The following HIPK2 variants were observed in gnomAD, a reference collection of about 807,000 sequenced individuals.
HIPK2 encodes the protein homeodomain interacting protein kinase 2, also known as homeodomain-interacting protein kinase 2.
A neutral mutation model predicts 113.7 loss-of-function variants in HIPK2; 27 were observed. That is an observed-to-expected ratio of 0.24 (90% confidence interval 0.17 to 0.33). HIPK2 has a LOEUF of 0.33. Among genes scored for constraint, HIPK2 ranks in the 10% least tolerant of loss-of-function variants. The pLI is 1.00. For synonymous variants in HIPK2, 631 were observed against 642.2 expected (o/e 0.98, Z 0.26); for missense variants, 1,257 against 1,588.0 (o/e 0.79, Z 3.54).
At chr7:139,621,915 C>A in intron 6 of HIPK2, among the ~76,000 whole-genome samples, 1 of 134,466 alleles carries the variant, frequency 7.4e-6, no homozygotes, top group African/African-American at 2.9e-5. Flanking sequence ...AGGGTGAGAC[C>A]CTGTCTCAGG....
chr7:139,646,652 G>A (rs11980926), intron 2 of HIPK2, among the ~76,000 whole-genome samples: 2,161 of 152,212 alleles, frequency 0.014, 35 homozygotes, highest in African/African-American at 0.048. Flanking sequence ...CCTTTGGAAC[G>A]GAGCAACATT....
In HIPK2 at chr7:139,571,349, G is replaced by C. The variant is rs1368408583; in HGVS notation, c.*1578C>G. ...GACTGGGGGATGCCGCCTGGGGCGG[G>C]AGACGGCTGCCTGGCGAGGCCAACA... is the stretch of plus-strand genomic sequence containing the variant. On this transcript the variant is annotated 3_prime_UTR_variant, in exon 15 of 15. Transcript: ENST00000406875. 6.6e-6 allele frequency: 1 copy of C among 152,344 alleles called. No individual in the cohort carries two copies. The highest frequency in any genetic ancestry group is 2.4e-5 in the African/African-American group (1 of 41,472). 9.4% of individuals were successfully genotyped at this position (152,344 alleles called of 1,614,324 possible).
intron 1 of HIPK2, among the ~76,000 whole-genome samples, chr7:139,738,530 T>C (rs771054114): frequency 6.6e-6 from 1 of 152,216 alleles, no homozygotes; most frequent in Admixed American, 6.5e-5. Context: ...TAAAGCACCA[T>C]GATATTTGTA....
At chr7:139,677,679 A>G (rs2116687231) in intron 2 of HIPK2, among the ~76,000 whole-genome samples, 1 of 152,336 alleles carries the variant, frequency 6.6e-6, no homozygotes, top group South Asian at 2.1e-4. Context: ...GCACCCATCA[A>G]CCAGTTATCT....
intron 2 of HIPK2, among the ~76,000 whole-genome samples, chr7:139,684,338 T>C (rs1794153126): frequency 6.6e-6 from 1 of 152,200 alleles, no homozygotes; most frequent in Admixed American, 6.5e-5. Context: ...GACTTCTAAG[T>C]GTTCAAGCGA....
At chr7:139,616,543 T>G (rs1448154560) in intron 7 of HIPK2, among the ~76,000 whole-genome samples, 1 of 152,236 alleles carries the variant, frequency 6.6e-6, no homozygotes, top group African/African-American at 2.4e-5. Context: ...GGCCTTTCCC[T>G]TCATACAAGC....
chr7:139,749,118 G>A (rs562063203), intron 1 of HIPK2, among the ~76,000 whole-genome samples: 5 of 152,316 alleles, frequency 3.3e-5, no homozygotes, highest in African/African-American at 1.2e-4. Flanking sequence ...TCATCAAACC[G>A]CCTTCTTTTA....
In HIPK2 at chr7:139,675,901, C is replaced by T. The variant is rs1802480520; in HGVS notation, c.1103+40031G>A. ...CCTGAACAGATGGCTGTAATATACT[C>T]CTAATTGGTTTTCTCATACTTGGTC... On this transcript the variant is annotated intron_variant, in intron 2 of 14. Coordinates refer to ENST00000406875, the MANE Select transcript of HIPK2 (RefSeq NM_022740.5). Among the ~76,000 whole-genome samples, 3 of 152,244 alleles carry T rather than the reference C, an allele frequency of 2.0e-5. No individual in the cohort carries two copies. The South Asian group carries it at 6.2e-4, about 32-fold the overall frequency.
intron 1 of HIPK2, among the ~76,000 whole-genome samples, chr7:139,773,670 C>T (rs1281057378): frequency 1.3e-5 from 2 of 152,122 alleles, no homozygotes; most frequent in Non-Finnish European, 2.9e-5. Context: ...AGAATCTGAG[C>T]CCCTGTAACT....
rs1794619857 is a variant in HIPK2, at chr7:139,698,360, G to A, written c.1103+17572C>T. Among the ~76,000 whole-genome samples the A allele has an allele frequency of 2.6e-5, 4 of 152,290 alleles. No homozygotes were observed. In the Middle Eastern group the frequency reaches 0.01, roughly 388 times the overall value. On this transcript the variant is annotated intron_variant, in intron 2 of 14. Transcript: ENST00000406875. Reference sequence around the variant, plus strand: ...CCATTTGCATATACGTTCATCCACTGATGGACATTTGGGCTGCTTCCACCA... The same window carrying A: ...CCATTTGCATATACGTTCATCCACTAATGGACATTTGGGCTGCTTCCACCA...
At chr7:139,719,995 T>C (rs1311205695) in intron 1 of HIPK2, among the ~76,000 whole-genome samples, 1 of 152,202 alleles carries the variant, frequency 6.6e-6, no homozygotes, top group Non-Finnish European at 1.5e-5. Context: ...GTCAAGGAGA[T>C]AAAGCTGAGA....
intron 2 of HIPK2, among the ~76,000 whole-genome samples, chr7:139,653,742 T>G (rs1212896871): frequency 1.3e-5 from 2 of 151,456 alleles, no homozygotes; most frequent in Admixed American, 1.3e-4. Flanking sequence ...CTGTTGTTGT[T>G]TTTTTTTTGA....
intron 11 of HIPK2, among the ~76,000 whole-genome samples, chr7:139,599,607 C>G (rs1799348937): frequency 6.6e-6 from 1 of 152,200 alleles, no homozygotes; most frequent in Non-Finnish European, 1.5e-5. Context: ...CAAGCTATTG[C>G]TTCTATTTAA....
intron 12 of HIPK2, among the ~76,000 whole-genome samples, chr7:139,588,544 A>G (rs1014126192): frequency 5.3e-5 from 8 of 151,908 alleles, no homozygotes; most frequent in African/African-American, 1.9e-4. Context: ...GCTGTCTACC[A>G]ATAACAACAA....
intron 2 of HIPK2, among the ~76,000 whole-genome samples, chr7:139,710,232 C>T (rs376852721): frequency 6.6e-6 from 1 of 152,184 alleles, no homozygotes; most frequent in Non-Finnish European, 1.5e-5. Flanking sequence ...CTTCACTCAC[C>T]GGATTATTAT....
chr7:139,584,705 T>C lies in HIPK2; in HGVS notation c.2718-641A>G, dbSNP rs557385737. The stretch of plus-strand genomic sequence containing the variant: ...TACTTTGAGTGTGCTCTGTGGGCTG[T>C]GTGCAGGCCACTACGACCTCTGCAG... On this transcript the variant is annotated intron_variant, in intron 12 of 14. Coordinates refer to ENST00000406875, the MANE Select transcript of HIPK2 (RefSeq NM_022740.5). Among the ~76,000 whole-genome samples, 392 of 151,190 alleles carry C rather than the reference T, an allele frequency of 2.6e-3. 2 individuals are homozygous for C. The highest frequency in any genetic ancestry group is 9.3e-3 in the African/African-American group (378 of 40,526).
rs1438718495 is a variant in HIPK2 at position 139,567,426 on chromosome 7, A to G, written c.*5501T>C. The stretch of plus-strand genomic sequence containing the variant: ...TTTTTTAAAAAAAAGGACAGAGAGG[A>G]AAGAGAAAGACAAATAGAATTGCAT... On this transcript the variant is annotated 3_prime_UTR_variant, in exon 15 of 15. Transcript: ENST00000406875. 2 of 152,012 alleles carry G rather than the reference A, an allele frequency of 1.3e-5. No individual in the cohort carries two copies. The highest frequency in any genetic ancestry group is 2.9e-5 in the Non-Finnish European group (2 of 67,994). 9.4% of individuals were successfully genotyped at this position (152,012 alleles called of 1,614,324 possible).
At position 139,633,115 on chromosome 7, in the gene HIPK2, AAAAAG is replaced by A. The variant is rs1285166644; in HGVS notation, c.1104-1395_1104-1391del. 9.6e-3 allele frequency among the ~76,000 whole-genome samples: 1,106 copies of A among 115,020 alleles called. 7 individuals carry two copies. Among genetic ancestry groups the A allele is most frequent in the African/African-American group, 0.032 (800 of 25,150 alleles). The allele number at this position is 115,020 out of a possible 152,430, so 75.5% of individuals were successfully genotyped here. A position where few individuals can be genotyped will look rare whatever the true frequency, so the allele number is the denominator to read the frequency against. ...TGTCTCAAAAAAAAAAAAAAAAAAA[AAAAAG>A]AAAGAAAGTAGCTCAAGGCATTCTG... On this transcript the variant is annotated intron_variant, in intron 2 of 14. Transcript: ENST00000406875.
chr7:139,620,317 C>T (rs891081705), intron 7 of HIPK2, 84 bp downstream of exon 7: 36 of 1,543,142 alleles, frequency 2.3e-5, no homozygotes, highest in Middle Eastern at 2.2e-4. Flanking sequence ...AATTTTGCCT[C>T]CTGACTAGGT....
Sources: gnomAD v4.1 joint callset for allele counts (sites outside exome capture counted in the v4.1 genomes callset) on GRCh38, gnomAD v4.1.1 for gene constraint, MANE v1.5 for transcripts, NCBI Gene and HGNC (gene_info 2026-07-23, HGNC 2026-07-21) for gene names.